Variants in GREB1 observed in about 807,000 individuals in gnomAD.
GREB1 encodes protein GREB1.
A neutral mutation model predicts 200.7 loss-of-function variants in GREB1; 106 were observed. The ratio of observed to expected loss-of-function variants is 0.53; its 90% CI spans 0.45 to 0.62. The LOEUF is 0.62. Among genes scored for constraint, GREB1 ranks in the 20% least tolerant of loss-of-function variants. The pLI, the probability that GREB1 is intolerant of heterozygous loss-of-function variation, is 0.00. For missense variants in GREB1, 2,243 were observed against 2,556.8 expected (o/e 0.88, Z 2.65); for synonymous variants, 1,132 against 1,092.4 (o/e 1.04, Z -0.72).
intron 19 of GREB1, among the ~76,000 whole-genome samples, chr2:11,614,720 C>T (rs1008331166): frequency 2.0e-5 from 3 of 152,222 alleles, no homozygotes; most frequent in African/African-American, 4.8e-5. Flanking sequence ...CCCGCCACCA[C>T]GCCTGGCTCA....
chr2:11,581,392 G>A (rs905050027), intron 7 of GREB1: 3 of 208,904 alleles, frequency 1.4e-5, no homozygotes, highest in Admixed American at 5.4e-5. Context: ...GCTGAGGCTC[G>A]TCTGCTCAGG....
intron 26 of GREB1, among the ~76,000 whole-genome samples, chr2:11,630,757 G>T (rs1358567632): frequency 1.3e-5 from 2 of 152,152 alleles, no homozygotes; most frequent in African/African-American, 4.8e-5. Context: ...TTTTGAAGAG[G>T]TCGTTCTGAA....
rs1397006142 is a variant in GREB1 at position 11,634,118 on chromosome 2, C to G, written c.4992-13C>G. On this transcript the variant is annotated splice_polypyrimidine_tract_variant and intron_variant, in intron 28 of 32. Coordinates refer to ENST00000381486, the MANE Select transcript of GREB1 (RefSeq NM_014668.4). Reference sequence around the variant, plus strand: ...GTGTCAGCCTAGGGACTCACTCTCCCTCCTTGGAGCAGGGAGTTCTCCTGG... The same window carrying G: ...GTGTCAGCCTAGGGACTCACTCTCCGTCCTTGGAGCAGGGAGTTCTCCTGG... 1 of 1,613,450 alleles carries G rather than the reference C, an allele frequency of 6.2e-7. No homozygotes were observed. The highest frequency in any genetic ancestry group is 2.2e-5 in the East Asian group (1 of 44,890).
intron 17 of GREB1, among the ~76,000 whole-genome samples, chr2:11,604,459 C>G (rs1444057178): frequency 6.6e-6 from 1 of 152,184 alleles, no homozygotes; most frequent in Non-Finnish European, 1.5e-5. Context: ...ACCACCACCT[C>G]CACCACTATT....
At chr2:11,511,524 G>T (rs1470605929) in intron 1 of GREB1, among the ~76,000 whole-genome samples, 1 of 152,132 alleles carries the variant, frequency 6.6e-6, no homozygotes, top group Non-Finnish European at 1.5e-5. Context: ...TTAGGGGTGG[G>T]TGGAGAAGGT....
At chr2:11,526,713 G>A (rs757478568) in intron 1 of GREB1, among the ~76,000 whole-genome samples, 16 of 151,832 alleles carry the variant, frequency 1.1e-4, no homozygotes, top group African/African-American at 2.2e-4. Flanking sequence ...CGGCCACCAC[G>A]ACTGGCCAAT....
At chr2:11,489,784 T>C (rs1259504573) in intron 1 of GREB1, among the ~76,000 whole-genome samples, 1 of 152,132 alleles carries the variant, frequency 6.6e-6, no homozygotes, top group Non-Finnish European at 1.5e-5. Context: ...AAAAGTATTT[T>C]AGGTGAATTG....
At chr2:11,595,112 G>A in intron 11 of GREB1, 139 bp from the exon 12 acceptor site, 1 of 683,928 alleles carries the variant, frequency 1.5e-6, no homozygotes, top group Admixed American at 2.4e-5. Context: ...CAGCAGGCCT[G>A]GGAGGTAGAT....
chr2:11,606,594 A>C (rs1248570179), intron 17 of GREB1, among the ~76,000 whole-genome samples: 1 of 151,964 alleles, frequency 6.6e-6, no homozygotes, highest in African/African-American at 2.4e-5. Context: ...TTTTCTTTTG[A>C]CTAGTGTTAC....
chr2:11,538,565 C>G (rs2148507629), intron 1 of GREB1, among the ~76,000 whole-genome samples: 1 of 152,176 alleles, frequency 6.6e-6, no homozygotes, highest in African/African-American at 2.4e-5. Context: ...TCGTAAGAGT[C>G]AATTGCAACA....
In GREB1 at chr2:11,633,413, A is replaced by C. The variant is rs554621673; in HGVS notation, c.4991+350A>C. On this transcript the variant is annotated intron_variant, in intron 28 of 32. Transcript: ENST00000381486. This position sits in a 1 kb window ranked among gnomAD's most constrained non-coding sequence, Gnocchi z 4.1. ...CTGTCTCTACTAAAAATACAAAAAAATTTAGCTGGGCGTGGTGGCGGGCGC... is the reference window on the plus strand; with the variant it reads ...CTGTCTCTACTAAAAATACAAAAAACTTTAGCTGGGCGTGGTGGCGGGCGC... Among the ~76,000 whole-genome samples, 1 of 151,926 alleles carries C rather than the reference A, an allele frequency of 6.6e-6. No individual in the cohort carries two copies. The highest frequency in any genetic ancestry group is 1.9e-4 in the East Asian group (1 of 5,160).
intron 18 of GREB1, chr2:11,612,245 C>A: frequency 7.8e-6 from 7 of 900,852 alleles, no homozygotes; most frequent in South Asian, 2.8e-5. Context: ...GACTTCCTTT[C>A]ACGGAGCTGG....
chr2:11,533,354 A>G (rs551390039), upstream of GREB1, among the ~76,000 whole-genome samples: 9 of 152,310 alleles, frequency 5.9e-5, no homozygotes, highest in South Asian at 1.9e-3. Context: ...ATACTCTACT[A>G]CATTATCTCA....
intron 15 of GREB1, among the ~76,000 whole-genome samples, chr2:11,599,346 T>A (rs1232929805): frequency 6.6e-6 from 1 of 150,856 alleles, no homozygotes; most frequent in Non-Finnish European, 1.5e-5. Context: ...TTTTTTTTTT[T>A]TTCCTTTTTT....
chr2:11,519,838 A>G (rs1171348016), intron 1 of GREB1, among the ~76,000 whole-genome samples: 1 of 152,166 alleles, frequency 6.6e-6, no homozygotes, highest in Non-Finnish European at 1.5e-5. Context: ...CTTGTTCACC[A>G]TTAAAAAATT....
At chr2:11,506,145 T>A (rs993931868) in intron 1 of GREB1, among the ~76,000 whole-genome samples, 19 of 151,996 alleles carry the variant, frequency 1.3e-4, no homozygotes, top group Admixed American at 9.2e-4. Context: ...GTGCACATGG[T>A]CCCCGTGCTC....
At chr2:11,529,547 T>C (rs1480256071), upstream of GREB1, among the ~76,000 whole-genome samples, 1 of 152,212 alleles carries the variant, frequency 6.6e-6, no homozygotes, top group Non-Finnish European at 1.5e-5. Context: ...GGGAGCGATT[T>C]ATGTAGCCCA....
In GREB1 at chr2:11,580,921, G is replaced by T; in HGVS notation, c.901+89G>T. The T allele has an allele frequency of 6.6e-7, 1 of 1,515,388 alleles. No individual in the cohort carries two copies. Among genetic ancestry groups the T allele is most frequent in the South Asian group, 1.1e-5 (1 of 87,254 alleles). 93.9% of individuals were successfully genotyped at this position (1,515,388 alleles called of 1,614,324 possible). A position where few individuals can be genotyped will look rare whatever the true frequency, so the allele number is the denominator to read the frequency against. ...GCATGGGAGCTGCTGGGCTGGGGCC[G>T]CTGAGCCTCCTGGAGTCTGATGTGG... On this transcript the variant is annotated intron_variant, in intron 7 of 32. Coordinates refer to ENST00000381486, the MANE Select transcript of GREB1 (RefSeq NM_014668.4). This position sits in a 1 kb window ranked among gnomAD's most constrained non-coding sequence, Gnocchi z 4.5.
intron 23 of GREB1, among the ~76,000 whole-genome samples, chr2:11,624,430 C>T (rs1448157852): frequency 1.3e-5 from 2 of 151,520 alleles, no homozygotes; most frequent in Non-Finnish European, 2.9e-5. Flanking sequence ...CTGCAACCTC[C>T]GCCTCCTGGG....
Sources: gnomAD v4.1 joint callset for allele counts (sites outside exome capture counted in the v4.1 genomes callset) on GRCh38, gnomAD v4.1.1 for gene constraint, Gnocchi (gnomAD v3.1) non-coding constraint, MANE v1.5 for transcripts, NCBI Gene and HGNC (gene_info 2026-07-23, HGNC 2026-07-21) for gene names.